SULT1E1: variants seen among roughly 807,000 people sequenced by gnomAD.
SULT1E1 encodes the protein sulfotransferase family 1E member 1, also known as sulfotransferase 1E1.
SULT1E1 carries 36 observed loss-of-function variants against 33.6 expected under a neutral mutation model. That is an observed-to-expected ratio of 1.07 (90% CI 0.82 to 1.41). SULT1E1 has a LOEUF of 1.41. SULT1E1 is among the 40% of genes most tolerant of loss of function. The probability of loss-of-function intolerance (pLI) is 0.00; values close to 1 mark genes in which losing one functional copy is unlikely to be tolerated. For synonymous variants in SULT1E1, 121 were observed against 111.7 expected (o/e 1.08, Z -0.53); for missense variants, 371 against 345.7 (o/e 1.07, Z -0.58).
chr4:69,824,884 C>T, the SULT1E1 span, among the ~76,000 whole-genome samples: 1 of 152,166 alleles, frequency 6.6e-6, no homozygotes, highest in African/African-American at 2.4e-5. Flanking sequence ...CCGCTGAGGT[C>T]CCTTTCCACC....
rs201005072 is a variant in SULT1E1 at position 69,844,274 on chromosome 4, T to C, written c.659A>G (p.Asp220Gly). Residue 220 changes from aspartate to glycine, a missense_variant, in exon 7 of 8, where the codon GAC becomes GGC. By Grantham distance (94) the Asp-to-Gly change is moderately conservative (BLOSUM62 -1). Transcript: ENST00000226444. ...GAACGAAGTATGATGTATAATCCTG[T>C]CCACAAGCTCCTCTGATGGCTTCCT... ...LERKPSEELV[D>G]RIIHHTSFQE... 6.2e-7 allele frequency: 1 copy of C among 1,613,880 alleles called. No homozygotes were observed. The highest frequency in any genetic ancestry group is 8.5e-7 in the Non-Finnish European group (1 of 1,179,832).
chr4:69,846,305 C>CAAAAAAAAAAAAAAAAAAAAAAA (rs34408656), intron 6 of SULT1E1, among the ~76,000 whole-genome samples: 1 of 107,038 alleles, frequency 9.3e-6, no homozygotes, highest in Non-Finnish European at 1.9e-5. Context: ...ACAAAACAAT[C>CAAAAAAAAAAAAAAAAAAAAAAA]AAAAAAAAAA....
chr4:69,854,358 A>G (rs1404186719), intron 3 of SULT1E1, 44 bp from the exon 4 acceptor site: 6 of 1,262,876 alleles, frequency 4.8e-6, no homozygotes, highest in Non-Finnish European at 6.8e-6. Context: ...CAAAAATTGT[A>G]ACTATTTATG....
At chr4:69,845,940 T>C (rs1464414910) in intron 6 of SULT1E1, among the ~76,000 whole-genome samples, 1 of 150,808 alleles carries the variant, frequency 6.6e-6, no homozygotes, top group Non-Finnish European at 1.5e-5. Flanking sequence ...TTATAAAATA[T>C]TATTTATGAT....
Position 69,845,319 on chromosome 4 carries a change from T to G in SULT1E1, c.592-978A>C, listed in dbSNP as rs959912939. ...GAATGTTTGTAACATGAAGAAATGATAAATGCTTTAGGTGATGAATACCTC... is the reference window on the plus strand; with the variant it reads ...GAATGTTTGTAACATGAAGAAATGAGAAATGCTTTAGGTGATGAATACCTC... On this transcript the variant is annotated intron_variant, in intron 6 of 7. Coordinates refer to ENST00000226444, the MANE Select transcript of SULT1E1 (RefSeq NM_005420.3). 6.6e-5 allele frequency among the ~76,000 whole-genome samples: 10 copies of G among 152,014 alleles called. No individual in the cohort carries two copies. In the South Asian group the frequency reaches 1.2e-3, roughly 19 times the overall value.
chr4:69,855,880 G>A (rs1721223909), intron 2 of SULT1E1, among the ~76,000 whole-genome samples: 1 of 152,158 alleles, frequency 6.6e-6, no homozygotes, highest in African/African-American at 2.4e-5. Flanking sequence ...TGAAGTCAGT[G>A]ACATTGTTCA....
chr4:69,857,922 A>G (rs1721281351), intron 1 of SULT1E1, among the ~76,000 whole-genome samples: 1 of 152,194 alleles, frequency 6.6e-6, no homozygotes, highest in African/African-American at 2.4e-5. Flanking sequence ...ATGTGGATAT[A>G]TTCAATTATA....
chr4:69,830,394 C>T, the SULT1E1 span, among the ~76,000 whole-genome samples: 1 of 152,218 alleles, frequency 6.6e-6, no homozygotes, highest in Non-Finnish European at 1.5e-5. Context: ...GATGTATTTA[C>T]CATATGCTGA....
intron 1 of SULT1E1, among the ~76,000 whole-genome samples, chr4:69,859,467 C>T (rs1033483178): frequency 6.6e-6 from 1 of 152,088 alleles, no homozygotes; most frequent in Non-Finnish European, 1.5e-5. Flanking sequence ...TCCCAATCTC[C>T]AGCACTATGA....
chr4:69,840,511 T>C (rs1344697291), downstream of SULT1E1, among the ~76,000 whole-genome samples: 1 of 152,244 alleles, frequency 6.6e-6, no homozygotes. Context: ...AATTCTTTTT[T>C]CTTCTGTTTT....
downstream of SULT1E1, among the ~76,000 whole-genome samples, chr4:69,840,484 AAAC>A (rs1720861233): frequency 6.6e-6 from 1 of 152,218 alleles, no homozygotes; most frequent in African/African-American, 2.4e-5. Context: ...TTTAAATAAA[AAAC>A]AATAAAAAAT....
At chr4:69,823,041 T>C in the SULT1E1 span, among the ~76,000 whole-genome samples, 1 of 152,210 alleles carries the variant, frequency 6.6e-6, no homozygotes, top group Non-Finnish European at 1.5e-5. Flanking sequence ...GTGCTATTGC[T>C]GCAGAAAAAT....
chr4:69,847,918 C>G, intron 5 of SULT1E1, 126 bp from the exon 6 acceptor site: 1 of 496,200 alleles, frequency 2.0e-6, no homozygotes, highest in South Asian at 3.7e-5. Flanking sequence ...AATAGATCAG[C>G]TGTATATCTT....
At chr4:69,845,822 G>A (rs1264149020) in intron 6 of SULT1E1, among the ~76,000 whole-genome samples, 1 of 151,094 alleles carries the variant, frequency 6.6e-6, no homozygotes. Context: ...GTCATTAATA[G>A]TCTAATTACA....
chr4:69,844,983 A>G (rs1720945799), intron 6 of SULT1E1, among the ~76,000 whole-genome samples: 1 of 152,100 alleles, frequency 6.6e-6, no homozygotes, highest in African/African-American at 2.4e-5. Context: ...TCTCTGCTCA[A>G]TAAATTGTAG....
the SULT1E1 span, among the ~76,000 whole-genome samples, chr4:69,827,588 G>C: frequency 6.6e-6 from 1 of 152,158 alleles, no homozygotes; most frequent in Admixed American, 6.5e-5. Context: ...AGGGTCAATT[G>C]ATCCTAAAAG....
At chr4:69,829,453 G>A in the SULT1E1 span, among the ~76,000 whole-genome samples, 4 of 152,124 alleles carry the variant, frequency 2.6e-5, no homozygotes, top group Non-Finnish European at 5.9e-5. Flanking sequence ...CTTTCAGCCC[G>A]AACTCTGGGA....
At chr4:69,828,519 C>G in the SULT1E1 span, among the ~76,000 whole-genome samples, 4 of 152,192 alleles carry the variant, frequency 2.6e-5, no homozygotes, top group African/African-American at 4.8e-5. Flanking sequence ...GGAAGAAACT[C>G]TGGACACATC....
chr4:69,842,339 C>A (rs1004530029), intron 7 of SULT1E1, among the ~76,000 whole-genome samples: 57 of 152,120 alleles, frequency 3.7e-4, no homozygotes, highest in African/African-American at 1.3e-3. Context: ...TCTTCTTATG[C>A]CATTTACTTT....
Sources: gnomAD v4.1 joint callset for allele counts (sites outside exome capture counted in the v4.1 genomes callset) on GRCh38, gnomAD v4.1.1 for gene constraint, MANE v1.5 for transcripts, NCBI Gene and HGNC (gene_info 2026-07-23, HGNC 2026-07-21) for gene names.